The following TAF1L variants were observed in gnomAD, a reference collection of about 807,000 sequenced individuals.
TAF1L encodes the protein TATA-box binding protein associated factor 1 like, also known as transcription initiation factor TFIID subunit 1-like.
TAF1L carries 30 observed loss-of-function variants against 128.8 expected under a neutral mutation model. That is an observed-to-expected ratio of 0.23 (90% CI 0.17 to 0.32). The LOEUF (loss-of-function observed/expected upper bound fraction) is 0.32, where lower values mean the gene tolerates loss of function less well. Among genes scored for constraint, TAF1L ranks in the 10% least tolerant of loss-of-function variants. The pLI, the probability that TAF1L is intolerant of heterozygous loss-of-function variation, is 1.00. For missense variants in TAF1L, 2,099 were observed against 2,253.7 expected (o/e 0.93, Z 1.39); for synonymous variants, 764 against 790.7 (o/e 0.97, Z 0.57).
chr9:32,630,921 C>A lies in TAF1L; in HGVS notation c.4659G>T (p.Lys1553Asn), dbSNP rs1822509098. Residue 1553 changes from lysine to asparagine, a missense_variant, in exon 1 of 1, where the codon AAG becomes AAT. Lys to Asn is a moderately conservative substitution (Grantham distance 94, BLOSUM62 0). This residue lies in a region of TAF1L where 404 missense variants were observed against 406.5 expected (regional missense o/e 0.99). Transcript: ENST00000242310. ...DSWPFHHPVN[K>N]KFVPDYYKMI... is the part of the protein sequence containing the mutation. ...TTTTGTAATAATCTGGAACAAACTT[C>A]TTATTAACTGGGTGATGAAATGGCC... 12 of 1,614,190 alleles carry A rather than the reference C, an allele frequency of 7.4e-6. 1 individual carries two copies. The South Asian group carries it at 1.2e-4, about 16-fold the overall frequency.
rs1822498809 is a variant in TAF1L, at chr9:32,630,268, T to C, written c.5312A>G (p.Asp1771Gly). The change falls in exon 1 of 1, where the codon GAT (aspartate) becomes GGT (glycine). Residue 1771 changes from aspartate (D) to glycine (G), a missense_variant. Asp to Gly is a moderately conservative substitution (Grantham distance 94). Coordinates refer to ENST00000242310, the MANE Select transcript of TAF1L (RefSeq NM_153809.2). ...GTCACTCCCAGCATCTTCCTCATCA[T>C]CTTCTCCTTCAGATATAAGCAAATC... ...YEDLLISEGE[D>G]DEEDAGSDEE... 2 of 1,614,070 alleles carry C rather than the reference T, an allele frequency of 1.2e-6. No homozygotes were observed. Among genetic ancestry groups the C allele is most frequent in the South Asian group, 1.1e-5 (1 of 91,090 alleles).
Position 32,631,836 on chromosome 9 carries a change from C to T in TAF1L, c.3744G>A (p.Glu1248=). The change falls in exon 1 of 1, where the codon GAG becomes GAA. Residue 1248 remains glutamate, a synonymous_variant. Coordinates refer to ENST00000242310, the MANE Select transcript of TAF1L (RefSeq NM_153809.2). The surrounding 1 kb of genome is among the most constrained non-coding windows in gnomAD (Gnocchi z 4.1). ...GGTTCCGCTTAAGCCGCCTCAGTTG[C>T]TCTTGAATCCTCCGCCGTTCTTTCC... ...EMRKERRRIQ[E]QLRRLKRNQE... The T allele has an allele frequency of 1.2e-6, 2 of 1,614,156 alleles. No individual in the cohort carries two copies. The highest frequency in any genetic ancestry group is 1.7e-6 in the Non-Finnish European group (2 of 1,180,030).
rs1299390705 is a variant in TAF1L at position 32,630,714 on chromosome 9, T to C, written c.4866A>G (p.Thr1622=). 6.2e-7 allele frequency: 1 copy of C among 1,614,062 alleles called. No individual in the cohort carries two copies. The highest frequency in any genetic ancestry group is 1.1e-5 in the South Asian group (1 of 91,086). ...AQEIVNICYQ[T]ITEYDEHLTQ... Reference sequence around the variant, plus strand: ...TCAAATGCTCATCATACTCAGTAATTGTCTGGTAACAGATGTTCACAATCT... The same window carrying C: ...TCAAATGCTCATCATACTCAGTAATCGTCTGGTAACAGATGTTCACAATCT... Residue 1622 remains threonine, a synonymous_variant, in exon 1 of 1, where the codon ACA becomes ACG. Transcript: ENST00000242310.
Position 32,635,642 on chromosome 9 carries a change from G to A in TAF1L, c.-63C>T. The A allele has an allele frequency of 7.7e-7, 1 of 1,295,838 alleles. No homozygotes were observed. The highest frequency in any genetic ancestry group is 1.0e-6 in the Non-Finnish European group (1 of 988,402). 80.3% of individuals were successfully genotyped at this position (1,295,838 alleles called of 1,614,324 possible). A position where few individuals can be genotyped will look rare whatever the true frequency, so the allele number is the denominator to read the frequency against. On this transcript the variant is annotated 5_prime_UTR_variant, in exon 1 of 1. The change creates a new upstream start codon in the 5' untranslated region. Coordinates refer to ENST00000242310, the MANE Select transcript of TAF1L (RefSeq NM_153809.2). ...TACTTAGCTCCCTTACCCTACCAGC[G>A]TCTACCGGAAGCTGAATAAAGGCGG... is the stretch of plus-strand genomic sequence containing the variant.
At position 32,634,480 on chromosome 9, in the gene TAF1L, A is replaced by T. The variant is rs1347379454; in HGVS notation, c.1100T>A (p.Leu367Gln). ...VAEWRYGPAR[L>Q]WYDMLGVSED... The stretch of plus-strand genomic sequence containing the variant: ...GGAGACACCCAGCATATCATACCAC[A>T]GTCGGGCAGGCCCATAACGCCACTC... The change falls in exon 1 of 1, where the codon CTG becomes CAG. Residue 367 changes from leucine to glutamine, a missense_variant. Leu to Gln is a moderately radical substitution (Grantham distance 113). Coordinates refer to ENST00000242310, the MANE Select transcript of TAF1L (RefSeq NM_153809.2). 3.1e-6 allele frequency: 5 copies of T among 1,614,100 alleles called. No homozygotes were observed. The South Asian group carries it at 5.5e-5, about 18-fold the overall frequency.
Position 32,635,022 on chromosome 9 carries a change from C to A in TAF1L, c.558G>T (p.Leu186Phe), listed in dbSNP as rs768049444. Residue 186 changes from leucine to phenylalanine, a missense_variant, in exon 1 of 1, where the codon TTG becomes TTT. By Grantham distance (22) the Leu-to-Phe change is conservative (BLOSUM62 0). Around this residue, in one of 4 missense-constraint regions of TAF1L, gnomAD observed 473 missense variants for 429.6 expected, o/e 1.10. Transcript: ENST00000242310. ...AAAAGGAAGGGGCAATGATGGAGGG[C>A]AAGATGATGTCTTCTCCACTTTCAG... ...CVSESGEDII[L>F]PSIIAPSFLA... 2.5e-6 allele frequency: 4 copies of A among 1,614,120 alleles called. No individual in the cohort carries two copies. Among genetic ancestry groups the A allele is most frequent in the Non-Finnish European group, 3.4e-6 (4 of 1,180,022 alleles).
Position 32,630,959 on chromosome 9 carries a change from C to G in TAF1L, c.4621G>C (p.Val1541Leu), listed in dbSNP as rs750860273. The change falls in exon 1 of 1, where the codon GTT becomes CTT. Residue 1541 changes from valine (V) to leucine (L), a missense_variant. Coordinates refer to ENST00000242310, the MANE Select transcript of TAF1L (RefSeq NM_153809.2). ...DNIVTQKMMAVPDSWPFHHPV... is the reference protein window; with the variant it reads ...DNIVTQKMMALPDSWPFHHPV... Reference sequence around the variant, plus strand: ...TGATGAAATGGCCAAGAATCTGGAACTGCCATCATTTTCTGGGTGACAATG... The same window carrying G: ...TGATGAAATGGCCAAGAATCTGGAAGTGCCATCATTTTCTGGGTGACAATG... The G allele has an allele frequency of 6.2e-6, 10 of 1,614,102 alleles. No homozygotes were observed. The Admixed American group carries it at 1.3e-4, about 22-fold the overall frequency.
In TAF1L at chr9:32,635,536, A is replaced by T. The variant is rs746922558; in HGVS notation, c.44T>A (p.Val15Asp). The T allele has an allele frequency of 8.1e-6, 13 of 1,614,036 alleles. No homozygotes were observed. The South Asian group carries it at 1.4e-4, about 18-fold the overall frequency. ...CDLLLRAAAT[V>D]TAAIMSDSDS... ...CGAGTCTGACATGATGGCGGCAGTG[A>T]CGGTAGCTGCTGCCCTCAGCAGCAA... Residue 15 changes from valine (V) to aspartate (D), a missense_variant, in exon 1 of 1, where the codon GTC becomes GAC. Val to Asp is a radical substitution (Grantham distance 152). This residue lies in a region of TAF1L where 473 missense variants were observed against 429.6 expected (regional missense o/e 1.10). Transcript: ENST00000242310.
rs1230685208 is a variant in TAF1L at position 32,632,667 on chromosome 9, C to T, written c.2913G>A (p.Gly971=). 7 of 1,614,038 alleles carry T rather than the reference C, an allele frequency of 4.3e-6. No individual in the cohort carries two copies. The highest frequency in any genetic ancestry group is 5.9e-6 in the Non-Finnish European group (7 of 1,180,046). The part of the protein sequence containing the change: ...MKGKCLLEVT[G]VADPTGCGEG... The stretch of plus-strand genomic sequence containing the variant: ...CACCACACCCTGTGGGATCTGCCAC[C>T]CCAGTCACCTCTAGGAGACACTTGC... The change falls in exon 1 of 1, where the codon GGG becomes GGA. Residue 971 remains glycine (G), a synonymous_variant. Transcript: ENST00000242310. The surrounding 1 kb of genome is among the most constrained non-coding windows in gnomAD (Gnocchi z 4.4).
In TAF1L at chr9:32,635,572, G is replaced by T; in HGVS notation, c.8C>A (p.Pro3His). MR[P>H]GCDLLLRAAA... ...TGCCCTCAGCAGCAAATCGCAGCCG[G>T]GTCGCATAAACCGGAAATAAAACAA... The change falls in exon 1 of 1, where the codon CCC (proline) becomes CAC (histidine). Residue 3 changes from proline to histidine, a missense_variant. Pro to His is a moderately conservative substitution (Grantham distance 77, BLOSUM62 -2). Transcript: ENST00000242310. 1 of 1,612,856 alleles carries T rather than the reference G, an allele frequency of 6.2e-7. No individual in the cohort carries two copies. Among genetic ancestry groups the T allele is most frequent in the Non-Finnish European group, 8.5e-7 (1 of 1,179,382 alleles).
At position 32,631,119 on chromosome 9, in the gene TAF1L, C is replaced by A; in HGVS notation, c.4461G>T (p.Gln1487His). The change falls in exon 1 of 1, where the codon CAG becomes CAT. Residue 1487 changes from glutamine (Q) to histidine (H), a missense_variant. Coordinates refer to ENST00000242310, the MANE Select transcript of TAF1L (RefSeq NM_153809.2). This position sits in a 1 kb window ranked among gnomAD's most constrained non-coding sequence, Gnocchi z 4.1. ...AGAGATCCAGCATGGATTGAGAGATCTGAGTCAATGAATGTTTTGGCCCAT... is the reference window on the plus strand; with the variant it reads ...AGAGATCCAGCATGGATTGAGAGATATGAGTCAATGAATGTTTTGGCCCAT... ...TYNGPKHSLT[Q>H]ISQSMLDLCD... 1 of 1,614,194 alleles carries A rather than the reference C, an allele frequency of 6.2e-7. No individual in the cohort carries two copies. Among genetic ancestry groups the A allele is most frequent in the Non-Finnish European group, 8.5e-7 (1 of 1,180,040 alleles).
Position 32,631,456 on chromosome 9 carries a change from C to T in TAF1L, c.4124G>A (p.Arg1375Gln), listed in dbSNP as rs746394860. 6.2e-6 allele frequency: 10 copies of T among 1,614,154 alleles called. No individual in the cohort carries two copies. Among genetic ancestry groups the T allele is most frequent in the East Asian group, 2.2e-5 (1 of 44,882 alleles). Residue 1375 changes from arginine (R) to glutamine (Q), a missense_variant, in exon 1 of 1, where the codon CGG becomes CAG. Around this residue, in one of 4 missense-constraint regions of TAF1L, gnomAD observed 1,213 missense variants for 1,391.4 expected, o/e 0.87. Transcript: ENST00000242310. This position sits in a 1 kb window ranked among gnomAD's most constrained non-coding sequence, Gnocchi z 4.1. ...PKQQLPPKKK[R>Q]RVGTTVHCDY... ...ACAATGAACAGTGGTTCCAACTCGC[C>T]GTTTCTTCTTTGGAGGAAGCTGCTG...
At position 32,631,035 on chromosome 9, in the gene TAF1L, G is replaced by T; in HGVS notation, c.4545C>A (p.Asn1515Lys). ...DKLARLEKAI[N>K]PLLDDDDQVA... ...CTTGGTCATCATCATCCAGCAAGGG[G>T]TTGATAGCTTTCTCTAAGCGAGCTA... Residue 1515 changes from asparagine to lysine, a missense_variant, in exon 1 of 1, where the codon AAC (asparagine) becomes AAA (lysine). By Grantham distance (94) the Asn-to-Lys change is moderately conservative (BLOSUM62 0). Coordinates refer to ENST00000242310, the MANE Select transcript of TAF1L (RefSeq NM_153809.2). The surrounding 1 kb of genome is among the most constrained non-coding windows in gnomAD (Gnocchi z 4.1). The T allele has an allele frequency of 6.2e-7, 1 of 1,614,172 alleles. No individual in the cohort carries two copies. The highest frequency in any genetic ancestry group is 8.5e-7 in the Non-Finnish European group (1 of 1,180,044).
At position 32,635,339 on chromosome 9, in the gene TAF1L, T is replaced by C; in HGVS notation, c.241A>G (p.Thr81Ala). 6.2e-7 allele frequency: 1 copy of C among 1,614,180 alleles called. No individual in the cohort carries two copies. Among genetic ancestry groups the C allele is most frequent in the Non-Finnish European group, 8.5e-7 (1 of 1,180,034 alleles). ...GTCCCAGTCAATTCTTCATTTGCCGTGAGTTCAGTGATTAGGCTGCCCAGC... is the reference window on the plus strand; with the variant it reads ...GTCCCAGTCAATTCTTCATTTGCCGCGAGTTCAGTGATTAGGCTGCCCAGC... The part of the protein sequence containing the change: ...LGLGSLITEL[T>A]ANEELTGTGG... Residue 81 changes from threonine (T) to alanine (A), a missense_variant, in exon 1 of 1, where the codon ACG becomes GCG. Physicochemically the swap from Thr to Ala is moderately conservative, Grantham distance 58 (BLOSUM62 0). This residue lies in a region of TAF1L where 473 missense variants were observed against 429.6 expected (regional missense o/e 1.10). Coordinates refer to ENST00000242310, the MANE Select transcript of TAF1L (RefSeq NM_153809.2).
Position 32,633,206 on chromosome 9 carries a change from T to C in TAF1L, c.2374A>G (p.Ile792Val). ...ACAAAAATATCCACTAATTCCCGAATATAGTAACCCTGTCTTGTCCGAATG... is the reference window on the plus strand; with the variant it reads ...ACAAAAATATCCACTAATTCCCGAACATAGTAACCCTGTCTTGTCCGAATG... ...LIIRTRQGYY[I>V]RELVDIFVVG... Residue 792 changes from isoleucine (I) to valine (V), a missense_variant, in exon 1 of 1, where the codon ATT (isoleucine) becomes GTT (valine). Around this residue, in one of 4 missense-constraint regions of TAF1L, gnomAD observed 1,213 missense variants for 1,391.4 expected, o/e 0.87. Transcript: ENST00000242310. The C allele has an allele frequency of 6.2e-7, 1 of 1,614,184 alleles. No homozygotes were observed. Among genetic ancestry groups the C allele is most frequent in the Non-Finnish European group, 8.5e-7 (1 of 1,180,034 alleles).
Position 32,632,995 on chromosome 9 carries a change from C to T in TAF1L, c.2585G>A (p.Arg862Gln), listed in dbSNP as rs757165056. The stretch of plus-strand genomic sequence containing the variant: ...GTCAGCGCAGAGCTTTAGCCTCTTC[C>T]GGATGCTGCTTTCTGAATGGGAAGG... ...AFPSHSESSIRKRLKLCADFK... is the reference protein window; with the variant it reads ...AFPSHSESSIQKRLKLCADFK... Residue 862 changes from arginine to glutamine, a missense_variant, in exon 1 of 1, where the codon CGG becomes CAG. Physicochemically the swap from Arg to Gln is conservative, Grantham distance 43 (BLOSUM62 1). Transcript: ENST00000242310. The surrounding 1 kb of genome is among the most constrained non-coding windows in gnomAD (Gnocchi z 4.4). The T allele has an allele frequency of 3.6e-5, 58 of 1,614,166 alleles. No homozygotes were observed. The African/African-American group carries it at 3.6e-4, about 10-fold the overall frequency.
In TAF1L at chr9:32,631,921, T is replaced by C. The variant is rs556381126; in HGVS notation, c.3659A>G (p.Lys1220Arg). 14 of 1,614,230 alleles carry C rather than the reference T, an allele frequency of 8.7e-6. No individual in the cohort carries two copies. The East Asian group carries it at 3.1e-4, about 36-fold the overall frequency. The change falls in exon 1 of 1, where the codon AAA becomes AGA. Residue 1220 changes from lysine to arginine, a missense_variant. Lys to Arg is a conservative substitution (Grantham distance 26). Coordinates refer to ENST00000242310, the MANE Select transcript of TAF1L (RefSeq NM_153809.2). The surrounding 1 kb of genome is among the most constrained non-coding windows in gnomAD (Gnocchi z 4.1). ...AAATTTTTGAATGAATTTCTCATCT[T>C]TTGTAGTCCGTATGCGCACATAGGC... is the stretch of plus-strand genomic sequence containing the variant. ...IDAYVRIRTT[K>R]DEKFIQKFAL... is the part of the protein sequence containing the mutation.
rs1211482729 is a variant in TAF1L, at chr9:32,635,359, C to T, written c.221G>A (p.Gly74Asp). Residue 74 changes from glycine to aspartate, a missense_variant, in exon 1 of 1, where the codon GGC becomes GAC. By Grantham distance (94) the Gly-to-Asp change is moderately conservative (BLOSUM62 -1). Around this residue, in one of 4 missense-constraint regions of TAF1L, gnomAD observed 473 missense variants for 429.6 expected, o/e 1.10. Coordinates refer to ENST00000242310, the MANE Select transcript of TAF1L (RefSeq NM_153809.2). ...HLAGLGALGL[G>D]SLITELTANE... ...TGCCGTGAGTTCAGTGATTAGGCTG[C>T]CCAGCCCCAAAGCCCCCAAGCCTGC... 1.2e-6 allele frequency: 2 copies of T among 1,614,056 alleles called. No homozygotes were observed. Among genetic ancestry groups the T allele is most frequent in the African/African-American group, 2.7e-5 (2 of 74,914 alleles).
At position 32,631,271 on chromosome 9, in the gene TAF1L, A is replaced by G. The variant is rs1822513485; in HGVS notation, c.4309T>C (p.Tyr1437His). 1.2e-6 allele frequency: 2 copies of G among 1,614,126 alleles called. No individual in the cohort carries two copies. The highest frequency in any genetic ancestry group is 1.7e-6 in the Non-Finnish European group (2 of 1,180,030). Residue 1437 changes from tyrosine to histidine, a missense_variant, in exon 1 of 1, where the codon TAC becomes CAC. Tyr to His is a moderately conservative substitution (Grantham distance 83, BLOSUM62 2). Around this residue, in one of 4 missense-constraint regions of TAF1L, gnomAD observed 1,213 missense variants for 1,391.4 expected, o/e 0.87. Transcript: ENST00000242310. This position sits in a 1 kb window ranked among gnomAD's most constrained non-coding sequence, Gnocchi z 4.1. The stretch of plus-strand genomic sequence containing the variant: ...TCCATTGGCCGAGTGATGATTTTGT[A>G]GTAGTCCTTTACAACCTTTGCATTG... The part of the protein sequence containing the change: ...PVNAKVVKDY[Y>H]KIITRPMDLQ...
Sources: gnomAD v4.1 joint callset for allele counts on GRCh38, gnomAD v4.1.1 for gene constraint, gnomAD v4.1.1 regional missense constraint, Gnocchi (gnomAD v3.1) non-coding constraint, MANE v1.5 for transcripts, NCBI Gene and HGNC (gene_info 2026-07-23, HGNC 2026-07-21) for gene names.